The following ZBTB41 variants were observed in gnomAD, a reference collection of about 807,000 sequenced individuals.
ZBTB41 encodes zinc finger and BTB domain containing 41, also known as zinc finger and BTB domain-containing protein 41.
A neutral mutation model predicts 87.6 loss-of-function variants in ZBTB41; 42 were observed. The observed-to-expected ratio is 0.48, with a 90% CI of 0.37 to 0.62. The LOEUF (loss-of-function observed/expected upper bound fraction) is 0.62. Ranked by LOEUF, ZBTB41 falls within the 20% of genes least tolerant of loss-of-function variation. The probability of loss-of-function intolerance (pLI) is 0.00; values close to 1 mark genes in which losing one functional copy is unlikely to be tolerated. For synonymous variants in ZBTB41, 364 were observed against 364.0 expected, an observed-to-expected ratio of 1.00 and a Z score of 0.00; for missense variants, 799 against 1,078.9, an observed-to-expected ratio of 0.74 and a Z score of 3.63.
intron 10 of ZBTB41, among the ~76,000 whole-genome samples, chr1:197,166,682 TAA>T (rs35752770): frequency 7.7e-4 from 112 of 145,162 alleles, no homozygotes; most frequent in Middle Eastern, 3.6e-3. Flanking sequence ...CATCTCTACT[TAA>T]AAAAAAAAAA....
Position 197,200,519 on chromosome 1 carries a change from G to A in ZBTB41, c.-46C>T, listed in dbSNP as rs752183376. The stretch of plus-strand genomic sequence containing the variant: ...ACAAGAAACTTCATAAGTGTCTTAA[G>A]TGATTTATAAAGGAAAACTAGATTG... On this transcript the variant is annotated 5_prime_UTR_variant, in exon 2 of 11. Coordinates refer to ENST00000367405, the MANE Select transcript of ZBTB41 (RefSeq NM_194314.3). 2 of 1,507,426 alleles carry A rather than the reference G, an allele frequency of 1.3e-6. No individual in the cohort carries two copies. Among genetic ancestry groups the A allele is most frequent in the East Asian group, 2.3e-5 (1 of 44,046 alleles). 93.4% of individuals were successfully genotyped at this position (1,507,426 alleles called of 1,614,324 possible).
In ZBTB41 at chr1:197,158,944, C is replaced by G. The variant is rs1284519353; in HGVS notation, c.*415G>C. 1 of 167,500 alleles carries G rather than the reference C, an allele frequency of 6.0e-6. No individual in the cohort carries two copies. Among genetic ancestry groups the G allele is most frequent in the Non-Finnish European group, 1.3e-5 (1 of 77,134 alleles). 10.4% of individuals were successfully genotyped at this position (167,500 alleles called of 1,614,324 possible). ...AGAAACAGTTGCAATTATCAGTGTACTCTTAATTCCTTCTTAAAGGCTACA... is the reference window on the plus strand; with the variant it reads ...AGAAACAGTTGCAATTATCAGTGTAGTCTTAATTCCTTCTTAAAGGCTACA... On this transcript the variant is annotated 3_prime_UTR_variant, in exon 11 of 11. Transcript: ENST00000367405.
In ZBTB41 at chr1:197,156,183, T is replaced by C. The variant is rs956646785; in HGVS notation, c.*3176A>G. On this transcript the variant is annotated 3_prime_UTR_variant, in exon 11 of 11. Coordinates refer to ENST00000367405, the MANE Select transcript of ZBTB41 (RefSeq NM_194314.3). ...TTATACATATAAACACAATAATCAA[T>C]CTCAGTATTCAAACTAACAACTTTT... is the stretch of plus-strand genomic sequence containing the variant. 6.0e-5 allele frequency: 9 copies of C among 151,220 alleles called. No homozygotes were observed. Among genetic ancestry groups the C allele is most frequent in the Non-Finnish European group, 1.3e-4 (9 of 67,306 alleles). The allele number at this position is 151,220 out of a possible 1,614,324, so 9.4% of individuals were successfully genotyped here. A position where few individuals can be genotyped will look rare whatever the true frequency, so the allele number is the denominator to read the frequency against.
At chr1:197,189,170 A>ATAT (rs1659958325) in intron 4 of ZBTB41, among the ~76,000 whole-genome samples, 1 of 152,186 alleles carries the variant, frequency 6.6e-6, no homozygotes, top group African/African-American at 2.4e-5. Context: ...TTTGCTGTAT[A>ATAT]TATAAATTGA....
In ZBTB41 at chr1:197,158,404, A is replaced by G. The variant is rs1659121302; in HGVS notation, c.*955T>C. 6.6e-6 allele frequency: 1 copy of G among 152,456 alleles called. No individual in the cohort carries two copies. Among genetic ancestry groups the G allele is most frequent in the Non-Finnish European group, 1.5e-5 (1 of 67,904 alleles). 9.4% of individuals were successfully genotyped at this position (152,456 alleles called of 1,614,324 possible). On this transcript the variant is annotated 3_prime_UTR_variant, in exon 11 of 11. Transcript: ENST00000367405. ...TCTAACAATTGAACACAAAATATCTAGGTTCTGTTTCCCAGAGTTTCTATC... is the reference window on the plus strand; with the variant it reads ...TCTAACAATTGAACACAAAATATCTGGGTTCTGTTTCCCAGAGTTTCTATC...
At chr1:197,179,167 A>C (rs949332773) in intron 6 of ZBTB41, among the ~76,000 whole-genome samples, 1 of 152,166 alleles carries the variant, frequency 6.6e-6, no homozygotes, top group Non-Finnish European at 1.5e-5. Flanking sequence ...TTAAGGGGAA[A>C]TAAAGTGAAA....
intron 10 of ZBTB41, among the ~76,000 whole-genome samples, chr1:197,167,458 G>A (rs1486756875): frequency 6.6e-6 from 1 of 152,128 alleles, no homozygotes; most frequent in Non-Finnish European, 1.5e-5. Flanking sequence ...ACTTCCCAAA[G>A]CGCTGGGATT....
Position 197,157,043 on chromosome 1 carries a change from A to T in ZBTB41, c.*2316T>A, listed in dbSNP as rs1659081925. 6.6e-6 allele frequency: 1 copy of T among 152,332 alleles called. No individual in the cohort carries two copies. Among genetic ancestry groups the T allele is most frequent in the Non-Finnish European group, 1.5e-5 (1 of 67,728 alleles). 9.4% of individuals were successfully genotyped at this position (152,332 alleles called of 1,614,324 possible). A position where few individuals can be genotyped will look rare whatever the true frequency, so the allele number is the denominator to read the frequency against. On this transcript the variant is annotated 3_prime_UTR_variant, in exon 11 of 11. Coordinates refer to ENST00000367405, the MANE Select transcript of ZBTB41 (RefSeq NM_194314.3). ...TAACATATATGAAAGCATTTTATAAAACAGTAAATCACTACTCAAGTTTAA... is the reference window on the plus strand; with the variant it reads ...TAACATATATGAAAGCATTTTATAATACAGTAAATCACTACTCAAGTTTAA...
chr1:197,188,259 C>T (rs1350380785), intron 5 of ZBTB41, 33 bp downstream of exon 5: 16 of 1,607,332 alleles, frequency 1.0e-5, no homozygotes, highest in Non-Finnish European at 1.4e-5. Context: ...TTAAAATTGT[C>T]ATGACTGCCT....
At chr1:197,178,733 A>T (rs920902629) in intron 6 of ZBTB41, among the ~76,000 whole-genome samples, 3 of 152,074 alleles carry the variant, frequency 2.0e-5, no homozygotes, top group African/African-American at 7.2e-5. Context: ...CTCATTTGCC[A>T]TTGGTTTGCT....
chr1:197,190,801 A>T lies in ZBTB41; in HGVS notation c.1359T>A (p.Ile453=). The change falls in exon 4 of 11, where the codon ATT becomes ATA. Residue 453 remains isoleucine, a synonymous_variant. Coordinates refer to ENST00000367405, the MANE Select transcript of ZBTB41 (RefSeq NM_194314.3). ...RFHPENAQEF[I]SIKKTKSESW... Reference sequence around the variant, plus strand: ...TTTCACTCTTAGTCTTCTTAATGGAAATAAATTCTTGTGCATTTTCAGGAT... The same window carrying T: ...TTTCACTCTTAGTCTTCTTAATGGATATAAATTCTTGTGCATTTTCAGGAT... 6.3e-7 allele frequency: 1 copy of T among 1,592,972 alleles called. No individual in the cohort carries two copies. Among genetic ancestry groups the T allele is most frequent in the South Asian group, 1.1e-5 (1 of 88,036 alleles).
chr1:197,170,925 T>C (rs763528774), intron 10 of ZBTB41, among the ~76,000 whole-genome samples: 13 of 152,252 alleles, frequency 8.5e-5, no homozygotes, highest in Admixed American at 2.6e-4. Context: ...TATTCCATCA[T>C]AGAGCTAATG....
rs535858905 is a variant in ZBTB41 at position 197,156,914 on chromosome 1, T to C, written c.*2445A>G. The C allele has an allele frequency of 6.6e-6, 1 of 152,316 alleles. No individual in the cohort carries two copies. Among genetic ancestry groups the C allele is most frequent in the African/African-American group, 2.4e-5 (1 of 41,530 alleles). The allele number at this position is 152,316 out of a possible 1,614,324, so 9.4% of individuals were successfully genotyped here. On this transcript the variant is annotated 3_prime_UTR_variant, in exon 11 of 11. Transcript: ENST00000367405. ...TAGTAGCTCTGCCACCTACTGACCA[T>C]GTGAGCTTAAATGAGTCCTTTTATC...
rs75528265 is a variant in ZBTB41 at position 197,164,137 on chromosome 1, T to C, written c.2075-4123A>G. 7.8e-3 allele frequency among the ~76,000 whole-genome samples: 1,195 copies of C among 152,230 alleles called. 11 individuals carry two copies. Among genetic ancestry groups the C allele is most frequent in the Middle Eastern group, 0.017 (5 of 294 alleles). The stretch of plus-strand genomic sequence containing the variant: ...TAACAGATAAGAAAGATAAGGGTGT[T>C]ATAAGGTATTTGCAGTTTCTGGAAA... On this transcript the variant is annotated intron_variant, in intron 10 of 10. Coordinates refer to ENST00000367405, the MANE Select transcript of ZBTB41 (RefSeq NM_194314.3).
rs1434139895 is a variant in ZBTB41, at chr1:197,157,069, G to C, written c.*2290C>G. On this transcript the variant is annotated 3_prime_UTR_variant, in exon 11 of 11. Transcript: ENST00000367405. The stretch of plus-strand genomic sequence containing the variant: ...ACAGTAAATCACTACTCAAGTTTAA[G>C]TTATCTACAATAGTAACTAAATACA... 6.6e-6 allele frequency: 1 copy of C among 152,118 alleles called. No individual in the cohort carries two copies. The highest frequency in any genetic ancestry group is 6.6e-5 in the Admixed American group (1 of 15,214). The allele number at this position is 152,118 out of a possible 1,614,324, so 9.4% of individuals were successfully genotyped here.
chr1:197,198,888 A>G (rs745598851), intron 2 of ZBTB41, among the ~76,000 whole-genome samples: 1 of 152,136 alleles, frequency 6.6e-6, no homozygotes, highest in African/African-American at 2.4e-5. Flanking sequence ...TTAATATAAA[A>G]CATCCCCTTT....
chr1:197,159,925 G>A lies in ZBTB41; in HGVS notation c.2164C>T (p.Arg722Ter), dbSNP rs775857458. The change falls in exon 11 of 11, where the codon CGA (arginine) becomes TGA (stop). Residue 722 changes from arginine (R) to a stop codon, truncating the protein, a stop_gained. Coordinates refer to ENST00000367405, the MANE Select transcript of ZBTB41 (RefSeq NM_194314.3). LOFTEE classifies it high-confidence loss of function. ...TKHLVIHSDA[R>*]PFNCQHCNAT... ...TTACAGTGCTGACAGTTGAAAGGTC[G>A]GGCATCAGAATGAATAACCAGGTGT... The A allele has an allele frequency of 5.0e-6, 8 of 1,613,616 alleles. No individual in the cohort carries two copies. The highest frequency in any genetic ancestry group is 2.2e-5 in the South Asian group (2 of 91,070).
rs148248848 is a variant in ZBTB41 at position 197,192,025 on chromosome 1, T to C, written c.1121-126A>G. ...ACACATCCAAATCCACACACAAAACTAGAAAAAAGTTTACGTAAATTTCTA... is the reference window on the plus strand; with the variant it reads ...ACACATCCAAATCCACACACAAAACCAGAAAAAAGTTTACGTAAATTTCTA... On this transcript the variant is annotated intron_variant, in intron 2 of 10. Transcript: ENST00000367405. 2,180 of 641,492 alleles carry C rather than the reference T, an allele frequency of 3.4e-3. 20 individuals are homozygous for C. Among genetic ancestry groups the C allele is most frequent in the African/African-American group, 0.029 (1,541 of 53,428 alleles). The allele number at this position is 641,492 out of a possible 1,614,324, so 39.7% of individuals were successfully genotyped here. A position where few individuals can be genotyped will look rare whatever the true frequency, so the allele number is the denominator to read the frequency against.
At chr1:197,164,493 C>T (rs1034355623) in intron 10 of ZBTB41, among the ~76,000 whole-genome samples, 4 of 150,620 alleles carry the variant, frequency 2.7e-5, no homozygotes, top group African/African-American at 4.9e-5. Flanking sequence ...TTAAACAATA[C>T]CAAAAGATGC....
Sources: gnomAD v4.1 joint callset for allele counts (sites outside exome capture counted in the v4.1 genomes callset) on GRCh38, gnomAD v4.1.1 for gene constraint, MANE v1.5 for transcripts, NCBI Gene and HGNC (gene_info 2026-07-23, HGNC 2026-07-21) for gene names.